The following TYW1B variants were observed in gnomAD, a reference collection of about 807,000 sequenced individuals.
The protein encoded by TYW1B is S-adenosyl-L-methionine-dependent tRNA 4-demethylwyosine synthase TYW1B.
TYW1B carries 73 observed loss-of-function variants against 86.9 expected under a neutral mutation model. That is an observed-to-expected ratio of 0.84 (90% confidence interval 0.70 to 1.02). TYW1B has a LOEUF of 1.02. Ranked by LOEUF, TYW1B falls within the 50% of genes least tolerant of loss-of-function variation. The pLI is 0.00. For missense variants in TYW1B, 637 were observed against 827.4 expected, an observed-to-expected ratio of 0.77 and a Z score of 2.82; for synonymous variants, 248 against 292.8, an observed-to-expected ratio of 0.85 and a Z score of 1.56.
chr7:72,608,134 C>T (rs1392835941), intron 13 of TYW1B, among the ~76,000 whole-genome samples: 1 of 152,138 alleles, frequency 6.6e-6, no homozygotes, highest in Non-Finnish European at 1.5e-5. Flanking sequence ...TGAAGGAAAA[C>T]TAAGAGGACT....
chr7:72,725,054 C>T (rs35705404), intron 9 of TYW1B, among the ~76,000 whole-genome samples: 1 of 152,202 alleles, frequency 6.6e-6, no homozygotes, highest in South Asian at 2.1e-4. Flanking sequence ...AAGGTCACTA[C>T]TGGACACCCC....
intron 13 of TYW1B, among the ~76,000 whole-genome samples, chr7:72,603,491 C>A (rs1811724910): frequency 1.3e-5 from 2 of 152,126 alleles, no homozygotes; most frequent in African/African-American, 4.8e-5. Context: ...TGGAAGAATT[C>A]CAAATAACTT....
At chr7:72,634,248 G>A (rs1156977810) in intron 11 of TYW1B, among the ~76,000 whole-genome samples, 7 of 151,664 alleles carry the variant, frequency 4.6e-5, no homozygotes, top group South Asian at 4.2e-4. Flanking sequence ...GCATAAGCAC[G>A]GCCCACTACA....
chr7:72,622,378 TTACTGAATCTGGGCA>T (rs1812238864), intron 12 of TYW1B, among the ~76,000 whole-genome samples: 1 of 152,206 alleles, frequency 6.6e-6, no homozygotes, highest in Non-Finnish European at 1.5e-5. Context: ...ATCTAAAAAC[TTACTGAATCTGGGCA>T]TACATTACCC....
intron 11 of TYW1B, among the ~76,000 whole-genome samples, chr7:72,675,157 G>C (rs1336357707): frequency 2.4e-4 from 36 of 152,118 alleles, no homozygotes; most frequent in African/African-American, 7.5e-4. Flanking sequence ...CCAGAACTTT[G>C]GGAGGCCGGG....
Position 72,807,228 on chromosome 7 carries a change from C to T in TYW1B, c.561G>A (p.Lys187=), listed in dbSNP as rs1554476920. 6.2e-7 allele frequency: 1 copy of T among 1,614,048 alleles called. No homozygotes were observed. The highest frequency in any genetic ancestry group is 1.3e-5 in the African/African-American group (1 of 74,926). The part of the protein sequence containing the change: ...GSIEANFRAW[K]TKFISQLQAL... ...CCTGCAGCTGGGAGATGAACTTGGT[C>T]TTCCATGCTCTGAAGTTGGCCTCAA... The change falls in exon 5 of 14, where the codon AAG becomes AAA. Residue 187 remains lysine (K), a synonymous_variant. Transcript: ENST00000620995.
chr7:72,769,434 A>C (rs1347134756), intron 7 of TYW1B, among the ~76,000 whole-genome samples: 1 of 152,248 alleles, frequency 6.6e-6, no homozygotes, highest in Non-Finnish European at 1.5e-5. Flanking sequence ...GCTTTAAAAA[A>C]TTAAAACTAC....
At chr7:72,817,476 G>A (rs1404647493) in intron 2 of TYW1B, among the ~76,000 whole-genome samples, 2 of 152,096 alleles carry the variant, frequency 1.3e-5, no homozygotes, top group Non-Finnish European at 2.9e-5. Context: ...GACTGATATG[G>A]TTTGGATATT....
At chr7:72,595,799 G>A (rs1459807051) in intron 13 of TYW1B, among the ~76,000 whole-genome samples, 6 of 152,130 alleles carry the variant, frequency 3.9e-5, no homozygotes, top group Admixed American at 1.3e-4. Context: ...ACAATGAAAA[G>A]TATAAAACAT....
chr7:72,619,933 T>G (rs1163363947), intron 12 of TYW1B, among the ~76,000 whole-genome samples: 1 of 152,178 alleles, frequency 6.6e-6, no homozygotes, highest in Non-Finnish European at 1.5e-5. Context: ...AATATTTTAA[T>G]ATTTTATTAC....
chr7:72,756,290 G>A (rs1378412081), intron 7 of TYW1B, among the ~76,000 whole-genome samples: 3 of 149,946 alleles, frequency 2.0e-5, no homozygotes, highest in South Asian at 2.1e-4. Context: ...TCTGGAATGC[G>A]GTGGCATGAT....
intron 10 of TYW1B, among the ~76,000 whole-genome samples, chr7:72,707,821 TGGA>T (rs1283594194): frequency 1.3e-5 from 2 of 152,212 alleles, no homozygotes; most frequent in Non-Finnish European, 2.9e-5. Flanking sequence ...TGCTCAATGT[TGGA>T]GGAGGGGCCT....
intron 4 of TYW1B, among the ~76,000 whole-genome samples, chr7:72,810,193 A>G (rs1285651138): frequency 6.6e-6 from 1 of 152,058 alleles, no homozygotes; most frequent in Non-Finnish European, 1.5e-5. Flanking sequence ...CAGGAGAATC[A>G]CTTGAACCCG....
intron 11 of TYW1B, among the ~76,000 whole-genome samples, chr7:72,640,190 G>A (rs1404557698): frequency 6.6e-6 from 1 of 151,882 alleles, no homozygotes; most frequent in Admixed American, 6.6e-5. Context: ...CAGCTGAAAA[G>A]GGGAGGAAAA....
At chr7:72,797,440 C>A (rs1227732428) in intron 6 of TYW1B, among the ~76,000 whole-genome samples, 4 of 152,206 alleles carry the variant, frequency 2.6e-5, no homozygotes, top group Admixed American at 2.6e-4. Context: ...GTGTCTCTCC[C>A]TCATGCCCAC....
At chr7:72,738,623 A>G (rs1787243242) in intron 8 of TYW1B, among the ~76,000 whole-genome samples, 1 of 152,132 alleles carries the variant, frequency 6.6e-6, no homozygotes, top group Admixed American at 6.6e-5. Flanking sequence ...ATCTCGAGAC[A>G]TTGTCAAATG....
intron 11 of TYW1B, among the ~76,000 whole-genome samples, chr7:72,675,565 A>G (rs1240342700): frequency 1.3e-5 from 2 of 149,660 alleles, no homozygotes; most frequent in East Asian, 3.9e-4. Flanking sequence ...ATACACACAT[A>G]TATATATACA....
chr7:72,769,941 G>A (rs1451143557), intron 7 of TYW1B, among the ~76,000 whole-genome samples: 5 of 152,048 alleles, frequency 3.3e-5, no homozygotes, highest in African/African-American at 1.2e-4. Context: ...TTAGCTGGGC[G>A]TGTTGGCACA....
chr7:72,788,374 G>A (rs1326627491), intron 6 of TYW1B, among the ~76,000 whole-genome samples: 5 of 152,162 alleles, frequency 3.3e-5, no homozygotes, highest in Admixed American at 1.3e-4. Context: ...AGTACAAGTT[G>A]AGTAGCTTTA....
Sources: gnomAD v4.1 joint callset for allele counts (sites outside exome capture counted in the v4.1 genomes callset) on GRCh38, gnomAD v4.1.1 for gene constraint, MANE v1.5 for transcripts, NCBI Gene and HGNC (gene_info 2026-07-23, HGNC 2026-07-21) for gene names.